Variants in C1QTNF7 observed in about 807,000 individuals in gnomAD.
C1QTNF7 encodes C1q and TNF related 7, also known as complement C1q tumor necrosis factor-related protein 7.
C1QTNF7 carries 15 observed loss-of-function variants against 19.6 expected under a neutral mutation model. The observed-to-expected ratio is 0.76, with a 90% CI of 0.51 to 1.18. The LOEUF is 1.18. Among genes scored for constraint, C1QTNF7 ranks in the 50% most tolerant of loss-of-function variants. The pLI, the probability that C1QTNF7 is intolerant of heterozygous loss-of-function variation, is 0.00. For synonymous variants in C1QTNF7, 142 were observed against 137.5 expected (o/e 1.03, Z -0.23); for missense variants, 324 against 359.7 (o/e 0.90, Z 0.80).
At chr4:15,357,724 T>A (rs565546272) in intron 1 of C1QTNF7, among the ~76,000 whole-genome samples, 1 of 152,326 alleles carries the variant, frequency 6.6e-6, no homozygotes, top group South Asian at 2.1e-4. Context: ...GAGCATGGAA[T>A]GTTTTTCCAT....
upstream of C1QTNF7, chr4:15,427,644 T>C (rs1712111822): frequency 6.6e-6 from 1 of 152,220 alleles, no homozygotes; most frequent in South Asian, 2.1e-4. Context: ...CTAAAGGCTC[T>C]ACCTCCAAAA....
chr4:15,433,595 T>C (rs1478770825), intron 1 of C1QTNF7, among the ~76,000 whole-genome samples: 4 of 152,240 alleles, frequency 2.6e-5, no homozygotes, highest in Admixed American at 6.5e-5. Flanking sequence ...CTCTAGCCCA[T>C]CTTCTCTTCC....
chr4:15,347,751 C>T (rs1367787117), intron 1 of C1QTNF7, among the ~76,000 whole-genome samples: 2 of 152,196 alleles, frequency 1.3e-5, no homozygotes, highest in Admixed American at 6.5e-5. Context: ...GCCCAGAGTA[C>T]ATGGAACTAT....
chr4:15,413,110 T>A (rs1360983661), intron 1 of C1QTNF7, among the ~76,000 whole-genome samples: 2 of 152,152 alleles, frequency 1.3e-5, no homozygotes, highest in Non-Finnish European at 2.9e-5. Flanking sequence ...AACACCAAAT[T>A]TGATCAAAAT....
intron 1 of C1QTNF7, among the ~76,000 whole-genome samples, chr4:15,346,716 A>C (rs142437103): frequency 6.6e-6 from 1 of 152,346 alleles, no homozygotes; most frequent in East Asian, 1.9e-4. Flanking sequence ...AACCCATTTC[A>C]TCACAGGTGT....
intron 1 of C1QTNF7, among the ~76,000 whole-genome samples, chr4:15,434,395 T>A (rs1712446267): frequency 6.6e-6 from 1 of 152,238 alleles, no homozygotes; most frequent in African/African-American, 2.4e-5. Flanking sequence ...AAAGTGGTGA[T>A]GTGTGCCTGG....
chr4:15,434,519 A>G (rs1301255132), intron 1 of C1QTNF7, among the ~76,000 whole-genome samples: 2 of 152,128 alleles, frequency 1.3e-5, no homozygotes, highest in Non-Finnish European at 2.9e-5. Flanking sequence ...CACTATATAG[A>G]TTTCTTGTTA....
intron 1 of C1QTNF7, among the ~76,000 whole-genome samples, chr4:15,360,102 T>C (rs1446405188): frequency 6.6e-6 from 1 of 152,140 alleles, no homozygotes; most frequent in African/African-American, 2.4e-5. Flanking sequence ...ACAGCACTGT[T>C]CTATCCACAG....
At chr4:15,425,804 C>T (rs1712017549), upstream of C1QTNF7, among the ~76,000 whole-genome samples, 1 of 152,042 alleles carries the variant, frequency 6.6e-6, no homozygotes. Flanking sequence ...CAGCTAGAAC[C>T]TTCTTTTTAA....
intron 1 of C1QTNF7, among the ~76,000 whole-genome samples, chr4:15,408,220 C>T (rs990993741): frequency 6.9e-6 from 1 of 145,496 alleles, no homozygotes; most frequent in Admixed American, 7.2e-5. Flanking sequence ...TGCAGTGAGC[C>T]GTAATTGCGT....
At chr4:15,359,291 A>G (rs1412008289) in intron 1 of C1QTNF7, among the ~76,000 whole-genome samples, 2 of 152,184 alleles carry the variant, frequency 1.3e-5, no homozygotes, top group African/African-American at 4.8e-5. Flanking sequence ...GACCACAGAA[A>G]AAGGGAAAGA....
chr4:15,383,919 C>T (rs1718238789), intron 1 of C1QTNF7, among the ~76,000 whole-genome samples: 1 of 152,182 alleles, frequency 6.6e-6, no homozygotes, highest in Non-Finnish European at 1.5e-5. Flanking sequence ...AGGTTAAAAG[C>T]AACCAGCCAG....
intron 1 of C1QTNF7, chr4:15,358,308 T>A (rs963464533): frequency 7.2e-5 from 11 of 152,350 alleles, no homozygotes; most frequent in East Asian, 3.9e-4. Flanking sequence ...ATCGAAGGCC[T>A]TTTCTGCATC....
chr4:15,388,599 G>A lies in C1QTNF7; in HGVS notation c.14-47137G>A, dbSNP rs139878157. Among the ~76,000 whole-genome samples, 872 of 152,312 alleles carry A rather than the reference G, an allele frequency of 5.7e-3. 4 individuals carry two copies. Among genetic ancestry groups the A allele is most frequent in the Non-Finnish European group, 8.0e-3 (545 of 68,018 alleles). Reference sequence around the variant, plus strand: ...CAGTGGGGAGCTTGAATTTGAATTTGTGAAGGTGCTGTAGTTATTGGTAAT... The same window carrying A: ...CAGTGGGGAGCTTGAATTTGAATTTATGAAGGTGCTGTAGTTATTGGTAAT... On this transcript the variant is annotated intron_variant, in intron 1 of 2. Transcript: ENST00000295297.
At chr4:15,402,087 G>A (rs1477693556) in intron 1 of C1QTNF7, among the ~76,000 whole-genome samples, 1 of 152,178 alleles carries the variant, frequency 6.6e-6, no homozygotes, top group Non-Finnish European at 1.5e-5. Context: ...GTAACATCAA[G>A]ATATGGACTG....
intron 1 of C1QTNF7, among the ~76,000 whole-genome samples, chr4:15,420,413 G>A (rs1195472521): frequency 6.6e-6 from 1 of 152,286 alleles, no homozygotes; most frequent in African/African-American, 2.4e-5. Flanking sequence ...CCAAAGACAT[G>A]CATTTCCTAG....
chr4:15,405,295 A>T (rs1408216744), intron 1 of C1QTNF7, among the ~76,000 whole-genome samples: 2 of 152,172 alleles, frequency 1.3e-5, no homozygotes, highest in African/African-American at 2.4e-5. Flanking sequence ...AGAGGCAAGC[A>T]GAGTAGGACA....
intron 1 of C1QTNF7, among the ~76,000 whole-genome samples, chr4:15,367,478 A>T (rs762146556): frequency 2.6e-5 from 4 of 152,162 alleles, no homozygotes; most frequent in Non-Finnish European, 5.9e-5. Flanking sequence ...GTTTTCCACA[A>T]GTTGACTTTT....
intron 1 of C1QTNF7, among the ~76,000 whole-genome samples, chr4:15,409,834 T>A (rs1015140801): frequency 6.6e-6 from 1 of 152,168 alleles, no homozygotes; most frequent in African/African-American, 2.4e-5. Context: ...GGACAATACA[T>A]ATAAAGCATT....
Sources: gnomAD v4.1 joint callset for allele counts (sites outside exome capture counted in the v4.1 genomes callset) on GRCh38, gnomAD v4.1.1 for gene constraint, MANE v1.5 for transcripts, NCBI Gene and HGNC (gene_info 2026-07-23, HGNC 2026-07-21) for gene names.